RUSC2: variants seen among roughly 807,000 people sequenced by gnomAD.
RUSC2 encodes RUN and SH3 domain containing 2.
Under a neutral mutation model 122.2 loss-of-function variants are expected in RUSC2, and 34 were observed. The observed-to-expected ratio is 0.28, with a 90% CI of 0.21 to 0.37. RUSC2 has a LOEUF of 0.37. RUSC2 is among the 10% of genes least tolerant of loss of function. RUSC2 has a pLI of 1.00. For synonymous variants in RUSC2, 784 were observed against 790.0 expected (o/e 0.99, Z 0.13); for missense variants, 1,747 against 1,952.4 (o/e 0.89, Z 1.98).
chr9:35,529,293 A>G (rs1199615102), intron 1 of RUSC2, among the ~76,000 whole-genome samples: 1 of 152,054 alleles, frequency 6.6e-6, no homozygotes, highest in Non-Finnish European at 1.5e-5. Context: ...TGAAGCTGCC[A>G]TGAGGAGTGC....
intron 1 of RUSC2, among the ~76,000 whole-genome samples, chr9:35,533,543 G>A (rs924650652): frequency 1.3e-5 from 2 of 152,152 alleles, no homozygotes; most frequent in African/African-American, 4.8e-5. Flanking sequence ...ATTCACAGTT[G>A]TGCAACTATG....
chr9:35,505,628 A>G (rs1564245064), intron 1 of RUSC2, among the ~76,000 whole-genome samples: 1 of 152,186 alleles, frequency 6.6e-6, no homozygotes, highest in East Asian at 1.9e-4. Context: ...TTCATTTAAT[A>G]TATGAAATTC....
chr9:35,551,644 C>A (rs1162597401), intron 2 of RUSC2, among the ~76,000 whole-genome samples: 1 of 152,208 alleles, frequency 6.6e-6, no homozygotes, highest in Non-Finnish European at 1.5e-5. Context: ...TTCCATAAGT[C>A]TCCAGTCTTC....
At chr9:35,500,541 T>A (rs568237317) in intron 1 of RUSC2, among the ~76,000 whole-genome samples, 4 of 152,186 alleles carry the variant, frequency 2.6e-5, no homozygotes, top group Middle Eastern at 3.2e-3. Flanking sequence ...ATTTCACAAT[T>A]TTGTGGATGG....
At chr9:35,539,476 A>G (rs920601237) in intron 1 of RUSC2, among the ~76,000 whole-genome samples, 2 of 152,124 alleles carry the variant, frequency 1.3e-5, no homozygotes, top group Non-Finnish European at 2.9e-5. Context: ...CCCTACAGCT[A>G]CTGTAAGTTT....
At chr9:35,518,360 G>A (rs940382039) in intron 1 of RUSC2, among the ~76,000 whole-genome samples, 1 of 152,154 alleles carries the variant, frequency 6.6e-6, no homozygotes, top group Non-Finnish European at 1.5e-5. Flanking sequence ...CCTGGTGTGT[G>A]GTACATTTTT....
rs1821846547 is a variant in RUSC2, at chr9:35,549,813, T to C, written c.2014+1278T>C. Among the ~76,000 whole-genome samples, 3 of 152,156 alleles carry C rather than the reference T, an allele frequency of 2.0e-5. No homozygotes were observed. The South Asian group carries it at 6.2e-4, about 32-fold the overall frequency. ...ATTTTAGAGAAATGGCTTTTGGCAT[T>C]TGTTTGTTTTTGTTTGGTTTGGTTT... On this transcript the variant is annotated intron_variant, in intron 2 of 11. Transcript: ENST00000361226.
chr9:35,535,002 C>A (rs1187617746), intron 1 of RUSC2, among the ~76,000 whole-genome samples: 1 of 151,184 alleles, frequency 6.6e-6, no homozygotes, highest in Non-Finnish European at 1.5e-5. Context: ...TTTCATTTTG[C>A]CAGCAGGAAG....
rs1175915472 is a variant in RUSC2, at chr9:35,548,666, C to T, written c.2014+131C>T. ...GGTTCCACATCCTAGATCTGTTATCCTTCTAGGCCAGGGCAGGACCCACAG... is the reference window on the plus strand; with the variant it reads ...GGTTCCACATCCTAGATCTGTTATCTTTCTAGGCCAGGGCAGGACCCACAG... On this transcript the variant is annotated intron_variant, in intron 2 of 11. Coordinates refer to ENST00000361226, the MANE Select transcript of RUSC2 (RefSeq NM_014806.5). This position sits in a 1 kb window ranked among gnomAD's most constrained non-coding sequence, Gnocchi z 4.5. 1 of 1,428,206 alleles carries T rather than the reference C, an allele frequency of 7.0e-7. No homozygotes were observed. The highest frequency in any genetic ancestry group is 9.1e-7 in the Non-Finnish European group (1 of 1,094,354). 88.5% of individuals were successfully genotyped at this position (1,428,206 alleles called of 1,614,324 possible).
intron 1 of RUSC2, among the ~76,000 whole-genome samples, chr9:35,517,418 T>C (rs1287515010): frequency 6.6e-6 from 1 of 152,198 alleles, no homozygotes; most frequent in Non-Finnish European, 1.5e-5. Flanking sequence ...TGTTGCTCTC[T>C]CAGGCCTTTT....
intron 1 of RUSC2, among the ~76,000 whole-genome samples, chr9:35,502,367 G>C (rs1438384453): frequency 6.6e-6 from 1 of 151,988 alleles, no homozygotes; most frequent in Non-Finnish European, 1.5e-5. Flanking sequence ...TAAGAGTGTG[G>C]GATATATCAC....
rs1014059437 is a variant in RUSC2 at position 35,561,452 on chromosome 9, A to T, written c.*70A>T. 5.3e-5 allele frequency: 72 copies of T among 1,347,538 alleles called. No individual in the cohort carries two copies. Among genetic ancestry groups the T allele is most frequent in the Non-Finnish European group, 7.4e-5 (72 of 976,530 alleles). The allele number at this position is 1,347,538 out of a possible 1,614,324, so 83.5% of individuals were successfully genotyped here. ...GACTCAGAGCCCGAGAGCCCTTCCC[A>T]AGCCATTGGCTTGGCTGCAGAGTAG... On this transcript the variant is annotated 3_prime_UTR_variant, in exon 12 of 12. Transcript: ENST00000361226.
At chr9:35,516,540 G>T (rs1007754154) in intron 1 of RUSC2, among the ~76,000 whole-genome samples, 1 of 152,202 alleles carries the variant, frequency 6.6e-6, no homozygotes, top group Non-Finnish European at 1.5e-5. Flanking sequence ...GAATGATAAT[G>T]CAATAAGCTA....
chr9:35,523,752 T>C (rs1051465575), intron 1 of RUSC2, among the ~76,000 whole-genome samples: 1 of 151,052 alleles, frequency 6.6e-6, no homozygotes, highest in African/African-American at 2.4e-5. Context: ...GAAGTGGAGG[T>C]TGCAGTGAGC....
intron 1 of RUSC2, among the ~76,000 whole-genome samples, chr9:35,533,259 AAG>A (rs1821458367): frequency 1.1e-5 from 1 of 87,706 alleles, no homozygotes; most frequent in South Asian, 4.7e-4. Flanking sequence ...AAAAAAAAAA[AAG>A]AAGAATTTGG....
At chr9:35,524,663 G>C (rs1169424543) in intron 1 of RUSC2, among the ~76,000 whole-genome samples, 1 of 151,950 alleles carries the variant, frequency 6.6e-6, no homozygotes. Context: ...TCTGTTGGAG[G>C]CTGCCCTCAA....
Position 35,557,946 on chromosome 9 carries a change from C to T in RUSC2, c.3016C>T (p.Leu1006Phe), listed in dbSNP as rs749163208. ...AAAAGCTGTTAACATCGCTGTGGAC[C>T]TCATTGTGGCTCATTTTGGCACAAG... is the stretch of plus-strand genomic sequence containing the variant. ...LVKAVNIAVD[L>F]IVAHFGTSRD... is the part of the protein sequence containing the mutation. The change falls in exon 6 of 12, where the codon CTC (leucine) becomes TTC (phenylalanine). Residue 1006 changes from leucine to phenylalanine, a missense_variant. Leu to Phe is a conservative substitution (Grantham distance 22). Coordinates refer to ENST00000361226, the MANE Select transcript of RUSC2 (RefSeq NM_014806.5). The surrounding 1 kb of genome is among the most constrained non-coding windows in gnomAD (Gnocchi z 4.6). The T allele has an allele frequency of 6.2e-7, 1 of 1,614,186 alleles. No individual in the cohort carries two copies. The highest frequency in any genetic ancestry group is 1.1e-5 in the South Asian group (1 of 91,086).
Position 35,548,080 on chromosome 9 carries a change from G to T in RUSC2, c.1559G>T (p.Cys520Phe), listed in dbSNP as rs775021209. The T allele has an allele frequency of 1.2e-6, 2 of 1,613,226 alleles. No homozygotes were observed. The highest frequency in any genetic ancestry group is 2.2e-5 in the South Asian group (2 of 91,086). ...GGCTCGCTGGAACGTATGTTGAGTT[G>T]CCCAGTGCGCTTGAGTGAGGGCCCT... ...RLGSLERMLS[C>F]PVRLSEGPAA... Residue 520 changes from cysteine to phenylalanine, a missense_variant, in exon 2 of 12, where the codon TGC (cysteine) becomes TTC (phenylalanine). By Grantham distance (205) the Cys-to-Phe change is radical (BLOSUM62 -2). Coordinates refer to ENST00000361226, the MANE Select transcript of RUSC2 (RefSeq NM_014806.5). This position sits in a 1 kb window ranked among gnomAD's most constrained non-coding sequence, Gnocchi z 4.5.
chr9:35,558,375 G>C lies in RUSC2; in HGVS notation c.3235+4G>C, dbSNP rs368858875. 6.2e-7 allele frequency: 1 copy of C among 1,613,944 alleles called. No individual in the cohort carries two copies. Among genetic ancestry groups the C allele is most frequent in the Non-Finnish European group, 8.5e-7 (1 of 1,179,820 alleles). ...GTTGAGGCTTCCACACAGCTAGGTA[G>C]GTGCTGGGTGCCAAGACGGGGACCC... On this transcript the variant is annotated splice_donor_region_variant and intron_variant, in intron 7 of 11. Coordinates refer to ENST00000361226, the MANE Select transcript of RUSC2 (RefSeq NM_014806.5). This position sits in a 1 kb window ranked among gnomAD's most constrained non-coding sequence, Gnocchi z 4.3.
Sources: allele counts gnomAD v4.1 joint callset (sites outside exome capture counted in the v4.1 genomes callset), GRCh38; gene constraint gnomAD v4.1.1; non-coding constraint Gnocchi (gnomAD v3.1); transcripts MANE v1.5; gene names NCBI Gene and HGNC (gene_info 2026-07-23, HGNC 2026-07-21).